The following WWOX variants were observed in gnomAD, a reference collection of about 807,000 sequenced individuals.
WWOX encodes the protein WW domain containing oxidoreductase.
Under a neutral mutation model 46.2 loss-of-function variants are expected in WWOX, and 69 were observed. That is an observed-to-expected ratio of 1.49 (90% CI 1.23 to 1.82). The LOEUF is 1.82. Among genes scored for constraint, WWOX ranks in the 40% most tolerant of loss-of-function variants. WWOX has a pLI of 0.00. For synonymous variants in WWOX, 359 were observed against 202.6 expected (o/e 1.77, Z -6.56); for missense variants, 919 against 542.6 (o/e 1.69, Z -6.89).
At chr16:78,994,105 C>A (rs1037426743) in intron 8 of WWOX, among the ~76,000 whole-genome samples, 2 of 152,146 alleles carry the variant, frequency 1.3e-5, no homozygotes, top group African/African-American at 4.8e-5. Flanking sequence ...GATCAAGAAA[C>A]GTTACCTGTC....
intron 8 of WWOX, among the ~76,000 whole-genome samples, chr16:79,048,132 T>C (rs1387236362): frequency 6.6e-6 from 1 of 152,184 alleles, no homozygotes; most frequent in African/African-American, 2.4e-5. Flanking sequence ...AAAATCATTT[T>C]CTATTTCATG....
intron 8 of WWOX, among the ~76,000 whole-genome samples, chr16:78,820,359 GC>G (rs1567583014): frequency 1.3e-5 from 2 of 152,124 alleles, no homozygotes; most frequent in Non-Finnish European, 2.9e-5. Context: ...CCCTGAATAC[GC>G]CAGAAATAAT....
intron 4 of WWOX, among the ~76,000 whole-genome samples, chr16:78,150,260 G>C (rs1205652013): frequency 2.0e-5 from 3 of 152,186 alleles, no homozygotes; most frequent in African/African-American, 7.2e-5. Flanking sequence ...CGGTACATAG[G>C]GCCAGGCATG....
At chr16:78,760,496 G>A (rs1219114171) in intron 8 of WWOX, among the ~76,000 whole-genome samples, 1 of 152,178 alleles carries the variant, frequency 6.6e-6, no homozygotes, top group Non-Finnish European at 1.5e-5. Flanking sequence ...CCTTCAGCAA[G>A]AAACATTACT....
chr16:78,907,408 G>A lies in WWOX; in HGVS notation c.1057-304200G>A, dbSNP rs78589806. Among the ~76,000 whole-genome samples, 74 of 152,282 alleles carry A rather than the reference G, an allele frequency of 4.9e-4. 3 individuals carry two copies. The East Asian group carries it at 0.014, about 29-fold the overall frequency. ...ACCTCTGGAATAATGGCTGCTAATC[G>A]TTTATGTCCACTCTTTAGCAGAATT... On this transcript the variant is annotated intron_variant, in intron 8 of 8. Coordinates refer to ENST00000566780, the MANE Select transcript of WWOX (RefSeq NM_016373.4).
chr16:79,054,185 T>C (rs1278651933), intron 8 of WWOX, among the ~76,000 whole-genome samples: 2 of 152,194 alleles, frequency 1.3e-5, no homozygotes, highest in Admixed American at 6.5e-5. Flanking sequence ...TACCAATATA[T>C]AGCTCTTTAC....
intron 5 of WWOX, among the ~76,000 whole-genome samples, chr16:78,312,789 A>T (rs937651533): frequency 2.6e-5 from 4 of 152,176 alleles, no homozygotes; most frequent in African/African-American, 4.8e-5. Context: ...TTCATGCCAT[A>T]CCTTAGGTCC....
chr16:79,095,395 G>A (rs758811264), intron 8 of WWOX, among the ~76,000 whole-genome samples: 3 of 152,110 alleles, frequency 2.0e-5, no homozygotes, highest in Non-Finnish European at 4.4e-5. Context: ...TTTCAGAATG[G>A]AGAAATTGAG....
At chr16:78,263,825 A>G (rs1034411572) in intron 5 of WWOX, among the ~76,000 whole-genome samples, 3 of 152,070 alleles carry the variant, frequency 2.0e-5, no homozygotes, top group East Asian at 3.9e-4. Flanking sequence ...AATGAAGCCA[A>G]CTCTCAGGCT....
intron 5 of WWOX, 122 bp downstream of exon 5, chr16:78,164,411 A>G (rs2034905718): frequency 1.1e-6 from 1 of 874,926 alleles, no homozygotes; most frequent in Admixed American, 2.1e-5. Context: ...TTATTTTTAA[A>G]GTCATCTTCA....
chr16:78,831,268 T>C (rs1045837307), intron 8 of WWOX, among the ~76,000 whole-genome samples: 2 of 152,214 alleles, frequency 1.3e-5, no homozygotes, highest in African/African-American at 2.4e-5. Context: ...TCTTAGCTAG[T>C]GCTTTCAGCA....
In WWOX at chr16:78,792,842, C is replaced by T. The variant is rs116847660; in HGVS notation, c.1056+360090C>T. ...AGCTCTGATTGTCCACAGCTCTGCTCTCTGCTCACCCCGGGGATTTAGCAG... is the reference window on the plus strand; with the variant it reads ...AGCTCTGATTGTCCACAGCTCTGCTTTCTGCTCACCCCGGGGATTTAGCAG... On this transcript the variant is annotated intron_variant, in intron 8 of 8. Transcript: ENST00000566780. Among the ~76,000 whole-genome samples the T allele has an allele frequency of 1.4e-4, 21 of 152,274 alleles. No individual in the cohort carries two copies. The East Asian group carries it at 2.3e-3, about 17-fold the overall frequency.
chr16:78,687,829 C>G (rs2047897520), intron 8 of WWOX, among the ~76,000 whole-genome samples: 1 of 152,120 alleles, frequency 6.6e-6, no homozygotes, highest in Non-Finnish European at 1.5e-5. Flanking sequence ...CCCTGAAGCT[C>G]TCAAGTAGGC....
rs74655123 is a variant in WWOX, at chr16:78,539,131, T to G, written c.1056+106379T>G. On this transcript the variant is annotated intron_variant, in intron 8 of 8. Coordinates refer to ENST00000566780, the MANE Select transcript of WWOX (RefSeq NM_016373.4). The stretch of plus-strand genomic sequence containing the variant: ...ACTTGTGCCTGCCTGTCTGTAGGCC[T>G]TTAATGATGTTTTATTGAATTTTGG... Among the ~76,000 whole-genome samples the G allele has an allele frequency of 4.1e-4, 62 of 152,344 alleles. No individual in the cohort carries two copies. In the East Asian group the frequency reaches 0.012, roughly 28 times the overall value.
chr16:78,985,032 C>A (rs1019543506), intron 8 of WWOX, among the ~76,000 whole-genome samples: 5 of 152,118 alleles, frequency 3.3e-5, no homozygotes, highest in Admixed American at 6.5e-5. Context: ...GTTGCTGAGT[C>A]CCTTGCCCCC....
chr16:78,952,565 T>G (rs1009435485), intron 8 of WWOX, among the ~76,000 whole-genome samples: 1 of 152,054 alleles, frequency 6.6e-6, no homozygotes, highest in Non-Finnish European at 1.5e-5. Context: ...GTATTTTTAG[T>G]AGAGACGGGG....
intron 8 of WWOX, among the ~76,000 whole-genome samples, chr16:78,969,517 C>G (rs187243410): frequency 6.6e-6 from 1 of 151,958 alleles, no homozygotes; most frequent in Non-Finnish European, 1.5e-5. Context: ...GTGATCCAAC[C>G]GCCTCAGCCT....
intron 8 of WWOX, among the ~76,000 whole-genome samples, chr16:79,008,841 C>G (rs1356038923): frequency 6.6e-6 from 1 of 152,114 alleles, no homozygotes; most frequent in Non-Finnish European, 1.5e-5. Context: ...CCAGGGGGCC[C>G]CGATCAGGTG....
chr16:78,906,522 A>G (rs749718333), intron 8 of WWOX, among the ~76,000 whole-genome samples: 1 of 152,048 alleles, frequency 6.6e-6, no homozygotes, highest in Non-Finnish European at 1.5e-5. Flanking sequence ...AAATCAGGCC[A>G]CGATTGCAGG....
Sources: gnomAD v4.1 joint callset for allele counts (sites outside exome capture counted in the v4.1 genomes callset) on GRCh38, gnomAD v4.1.1 for gene constraint, MANE v1.5 for transcripts, NCBI Gene and HGNC (gene_info 2026-07-23, HGNC 2026-07-21) for gene names.